KLHL24: variants seen among roughly 807,000 people sequenced by gnomAD.
The protein encoded by KLHL24 is kelch-like protein 24.
Under a neutral mutation model 53.4 loss-of-function variants are expected in KLHL24, and 29 were observed. The observed-to-expected ratio is 0.54, with a 90% CI of 0.40 to 0.74. The LOEUF (loss-of-function observed/expected upper bound fraction) is 0.74. Among genes scored for constraint, KLHL24 ranks in the 30% least tolerant of loss-of-function variants. The pLI, the probability that KLHL24 is intolerant of heterozygous loss-of-function variation, is 0.00. For missense variants in KLHL24, 504 were observed against 744.0 expected (o/e 0.68, Z 3.75); for synonymous variants, 222 against 253.7 (o/e 0.88, Z 1.19).
Position 183,672,287 on chromosome 3 carries a change from T to C in KLHL24, c.1414-9T>C, listed in dbSNP as rs781622104. On this transcript the variant is annotated splice_polypyrimidine_tract_variant and intron_variant, in intron 6 of 7. Coordinates refer to ENST00000242810, the MANE Select transcript of KLHL24 (RefSeq NM_017644.3). Reference sequence around the variant, plus strand: ...GAAATTTTAATTATATATTTTTATATGTTATTAGGTTCAATCTTATGATCC... The same window carrying C: ...GAAATTTTAATTATATATTTTTATACGTTATTAGGTTCAATCTTATGATCC... 1.4e-6 allele frequency: 2 copies of C among 1,463,676 alleles called. No homozygotes were observed. Among genetic ancestry groups the C allele is most frequent in the Non-Finnish European group, 9.2e-7 (1 of 1,089,994 alleles). 90.7% of individuals were successfully genotyped at this position (1,463,676 alleles called of 1,614,324 possible). A position where few individuals can be genotyped will look rare whatever the true frequency, so the allele number is the denominator to read the frequency against.
intron 3 of KLHL24, among the ~76,000 whole-genome samples, chr3:183,657,695 C>T (rs1719106648): frequency 6.6e-6 from 1 of 152,152 alleles, no homozygotes; most frequent in Non-Finnish European, 1.5e-5. Flanking sequence ...TATTCCAATC[C>T]CACTGAAGAA....
intron 5 of KLHL24, 53 bp from the exon 6 acceptor site, chr3:183,670,981 T>C: frequency 7.5e-7 from 1 of 1,328,894 alleles, no homozygotes; most frequent in Admixed American, 1.9e-5. Flanking sequence ...AGCCAACTAC[T>C]TCAAAATTCA....
At position 183,679,107 on chromosome 3, in the gene KLHL24, T is replaced by C. The variant is rs1712403890; in HGVS notation, c.1624T>C (p.Cys542Arg). ...ACAGGAAAACTGTGGTATGTCTGTG[T>C]GTAATGGTAAAATATATATCCTGGG... is the stretch of plus-strand genomic sequence containing the variant. ...SRQENCGMSV[C>R]NGKIYILGGR... The change falls in exon 8 of 8, where the codon TGT (cysteine) becomes CGT (arginine). Residue 542 changes from cysteine to arginine, a missense_variant. By Grantham distance (180) the Cys-to-Arg change is radical. Coordinates refer to ENST00000242810, the MANE Select transcript of KLHL24 (RefSeq NM_017644.3). 1 of 1,613,442 alleles carries C rather than the reference T, an allele frequency of 6.2e-7. No individual in the cohort carries two copies. The highest frequency in any genetic ancestry group is 1.3e-5 in the African/African-American group (1 of 74,912).
At chr3:183,639,974 A>G (rs1479940253) in intron 1 of KLHL24, among the ~76,000 whole-genome samples, 2 of 152,154 alleles carry the variant, frequency 1.3e-5, no homozygotes, top group East Asian at 3.9e-4. Flanking sequence ...GCAGTGAGCC[A>G]AGATTGTGCC....
chr3:183,637,766 C>T (rs1715577908), intron 1 of KLHL24, among the ~76,000 whole-genome samples: 1 of 152,216 alleles, frequency 6.6e-6, no homozygotes, highest in African/African-American at 2.4e-5. Context: ...TCAATCGATT[C>T]TCCTGCCTTA....
At chr3:183,667,277 A>G (rs1203139525) in intron 5 of KLHL24, among the ~76,000 whole-genome samples, 1 of 152,186 alleles carries the variant, frequency 6.6e-6, no homozygotes, top group Non-Finnish European at 1.5e-5. Context: ...TTAGCCGGGC[A>G]TGGTGGTCCG....
chr3:183,662,690 G>A (rs1719975998), intron 3 of KLHL24, among the ~76,000 whole-genome samples: 1 of 151,956 alleles, frequency 6.6e-6, no homozygotes, highest in South Asian at 2.1e-4. Flanking sequence ...GCTGTTTTTT[G>A]CATTCTAAAA....
intron 3 of KLHL24, among the ~76,000 whole-genome samples, 199 bp downstream of exon 3, chr3:183,651,475 G>A (rs1718107301): frequency 6.6e-6 from 1 of 152,034 alleles, no homozygotes; most frequent in South Asian, 2.1e-4. Context: ...TTTTGTTATT[G>A]TTGTTTTGTG....
chr3:183,655,729 C>T (rs2108812417), intron 3 of KLHL24, among the ~76,000 whole-genome samples: 3 of 152,122 alleles, frequency 2.0e-5, no homozygotes, highest in Admixed American at 2.0e-4. Context: ...TTGAGACCAT[C>T]CTGGCCAACA....
Position 183,643,878 on chromosome 3 carries a change from A to C in KLHL24, c.-62+336A>C, listed in dbSNP as rs111410534. Reference sequence around the variant, plus strand: ...TAGTTGTTTACTTTTTCCTGATGGGAATAATTCTGCTGTGATATTTGCAAA... The same window carrying C: ...TAGTTGTTTACTTTTTCCTGATGGGCATAATTCTGCTGTGATATTTGCAAA... On this transcript the variant is annotated intron_variant, in intron 2 of 7. Transcript: ENST00000242810. 2.2e-4 allele frequency among the ~76,000 whole-genome samples: 34 copies of C among 152,124 alleles called. 1 individual carries two copies. Among genetic ancestry groups the C allele is most frequent in the Admixed American group, 6.6e-5 (1 of 15,262 alleles).
intron 5 of KLHL24, 126 bp downstream of exon 5, chr3:183,665,165 CCT>C: frequency 1.6e-6 from 1 of 618,008 alleles, no homozygotes; most frequent in Non-Finnish European, 3.0e-6. Context: ...CCATTTCTAA[CCT>C]CAATAGATAA....
At chr3:183,637,097 C>T (rs912745763) in intron 1 of KLHL24, among the ~76,000 whole-genome samples, 6 of 152,174 alleles carry the variant, frequency 3.9e-5, no homozygotes, top group African/African-American at 7.2e-5. Context: ...TTAGGGGGCC[C>T]CACGGTCACC....
chr3:183,656,523 GAATT>G (rs1327222843), intron 3 of KLHL24, among the ~76,000 whole-genome samples: 1 of 152,126 alleles, frequency 6.6e-6, no homozygotes, highest in South Asian at 2.1e-4. Context: ...ACTCTGTAGA[GAATT>G]AATATGGTAG....
At chr3:183,662,508 T>A (rs1320599256) in intron 3 of KLHL24, among the ~76,000 whole-genome samples, 1 of 152,188 alleles carries the variant, frequency 6.6e-6, no homozygotes, top group Non-Finnish European at 1.5e-5. Context: ...AGATTATATT[T>A]GTGAAAAATA....
Position 183,681,438 on chromosome 3 carries a change from TTAAC to T in KLHL24, c.*2155_*2158del, listed in dbSNP as rs1712664952. On this transcript the variant is annotated 3_prime_UTR_variant, in exon 8 of 8. Transcript: ENST00000242810. ...TAGTATTTTTCTGTTGTAAAAAGTA[TTAAC>T]TATTTACTTTTATTTTGTTATACAT... 6.6e-6 allele frequency: 1 copy of T among 152,266 alleles called. No homozygotes were observed. Among genetic ancestry groups the T allele is most frequent in the Non-Finnish European group, 1.5e-5 (1 of 67,836 alleles). The allele number at this position is 152,266 out of a possible 1,614,324, so 9.4% of individuals were successfully genotyped here. A position where few individuals can be genotyped will look rare whatever the true frequency, so the allele number is the denominator to read the frequency against.
At chr3:183,674,419 G>A (rs1334328775) in intron 7 of KLHL24, among the ~76,000 whole-genome samples, 1 of 151,096 alleles carries the variant, frequency 6.6e-6, no homozygotes, top group African/African-American at 2.4e-5. Flanking sequence ...GAAGTGCAAT[G>A]GCGCGATCTC....
At position 183,651,133 on chromosome 3, in the gene KLHL24, G is replaced by A. The variant is rs771817061; in HGVS notation, c.777G>A (p.Leu259=). 28 of 1,613,978 alleles carry A rather than the reference G, an allele frequency of 1.7e-5. No individual in the cohort carries two copies. Among genetic ancestry groups the A allele is most frequent in the Admixed American group, 6.7e-5 (4 of 59,978 alleles). The change falls in exon 3 of 8, where the codon CTG becomes CTA. Residue 259 remains leucine, a synonymous_variant. Coordinates refer to ENST00000242810, the MANE Select transcript of KLHL24 (RefSeq NM_017644.3). The stretch of plus-strand genomic sequence containing the variant: ...TCCTGACACATGTGAGACTCCCTCT[G>A]TTGCATCCCAACTACTTTGTTCAAA... ...HELLTHVRLP[L]LHPNYFVQTV...
chr3:183,679,762 T>G lies in KLHL24; in HGVS notation c.*476T>G, dbSNP rs1212931809. 1 of 154,252 alleles carries G rather than the reference T, an allele frequency of 6.5e-6. No homozygotes were observed. The highest frequency in any genetic ancestry group is 1.4e-5 in the Non-Finnish European group (1 of 69,518). The allele number at this position is 154,252 out of a possible 1,614,324, so 9.6% of individuals were successfully genotyped here. On this transcript the variant is annotated 3_prime_UTR_variant, in exon 8 of 8. Coordinates refer to ENST00000242810, the MANE Select transcript of KLHL24 (RefSeq NM_017644.3). ...AAATCAGTTTTAAAAACCTTTGTTG[T>G]TAACAAAGTATATCCAGATTGGTTA...
chr3:183,661,756 T>C (rs894323284), intron 3 of KLHL24, among the ~76,000 whole-genome samples: 3 of 152,210 alleles, frequency 2.0e-5, no homozygotes, highest in African/African-American at 7.2e-5. Flanking sequence ...AGGGAAAGTA[T>C]AAACCAAGTA....
Sources: allele counts gnomAD v4.1 joint callset (sites outside exome capture counted in the v4.1 genomes callset), GRCh38; gene constraint gnomAD v4.1.1; transcripts MANE v1.5; gene names NCBI Gene and HGNC (gene_info 2026-07-23, HGNC 2026-07-21).